MGMT: variants seen among roughly 807,000 people sequenced by gnomAD.
MGMT encodes methylated-DNA--protein-cysteine methyltransferase.
MGMT carries 14 observed loss-of-function variants against 15.9 expected under a neutral mutation model. The ratio of observed to expected loss-of-function variants is 0.88; its 90% CI spans 0.58 to 1.37. MGMT has a LOEUF of 1.37. Among genes scored for constraint, MGMT ranks in the 40% most tolerant of loss-of-function variants. The pLI, the probability that MGMT is intolerant of heterozygous loss-of-function variation, is 0.00. For synonymous variants in MGMT, 130 were observed against 118.2 expected (o/e 1.10, Z -0.65); for missense variants, 282 against 268.1 (o/e 1.05, Z -0.36).
At chr10:129,497,619 G>A (rs949583306) in intron 1 of MGMT, among the ~76,000 whole-genome samples, 1 of 152,204 alleles carries the variant, frequency 6.6e-6, no homozygotes, top group African/African-American at 2.4e-5. Flanking sequence ...GTGCACTACT[G>A]TAAACCTTGC....
At chr10:129,612,654 C>T (rs1846975331) in intron 2 of MGMT, among the ~76,000 whole-genome samples, 1 of 152,188 alleles carries the variant, frequency 6.6e-6, no homozygotes, top group Admixed American at 6.5e-5. Context: ...CTGTGCTCCT[C>T]CTAAAGCCTA....
intron 3 of MGMT, among the ~76,000 whole-genome samples, chr10:129,728,288 G>T (rs1310778682): frequency 2.0e-5 from 3 of 152,204 alleles, no homozygotes; most frequent in Non-Finnish European, 4.4e-5. Context: ...TAGGGATTAG[G>T]GTCAGTGGCA....
chr10:129,536,351 C>T lies in MGMT; in HGVS notation c.99C>T (p.Leu33=), dbSNP rs1353622149. Residue 33 remains leucine (L), a synonymous_variant, in exon 2 of 5, where the codon CTC becomes CTT. Transcript: ENST00000651593. ...AGCAGGGTCTGCACGAAATAAAGCT[C>T]CTGGGCAAGGGGACGTCTGCAGCTG... The part of the protein sequence containing the change: ...GCEQGLHEIK[L]LGKGTSAADA... 2.5e-6 allele frequency: 4 copies of T among 1,613,780 alleles called. No individual in the cohort carries two copies. The highest frequency in any genetic ancestry group is 2.2e-5 in the East Asian group (1 of 44,890).
intron 2 of MGMT, among the ~76,000 whole-genome samples, chr10:129,588,301 G>A (rs192934971): frequency 3.9e-5 from 6 of 152,314 alleles, no homozygotes; most frequent in Admixed American, 2.0e-4. Flanking sequence ...GAGTCCACCC[G>A]TGCCTGGACT....
intron 2 of MGMT, among the ~76,000 whole-genome samples, chr10:129,641,909 C>T (rs757419119): frequency 9.2e-5 from 14 of 152,118 alleles, no homozygotes; most frequent in Non-Finnish European, 1.6e-4. Flanking sequence ...ATAATGTATG[C>T]GGCATAGCTA....
At chr10:129,655,393 A>AC (rs1453239021) in intron 2 of MGMT, among the ~76,000 whole-genome samples, 3 of 152,208 alleles carry the variant, frequency 2.0e-5, no homozygotes, top group Non-Finnish European at 4.4e-5. Context: ...TTCACACATT[A>AC]CCATTTTTAA....
rs77704264 is a variant in MGMT at position 129,654,869 on chromosome 10, C to T, written c.126-53026C>T. Among the ~76,000 whole-genome samples the T allele has an allele frequency of 5.7e-4, 87 of 152,304 alleles. No individual in the cohort carries two copies. The East Asian group carries it at 0.016, about 28-fold the overall frequency. On this transcript the variant is annotated intron_variant, in intron 2 of 4. Transcript: ENST00000651593. ...TGACGGCACAAGCCACAGTGGGTCA[C>T]TTGTTTCTACAAATGCCTGAGAAGA...
chr10:129,481,753 C>A (rs1325389490), intron 1 of MGMT, among the ~76,000 whole-genome samples: 1 of 152,034 alleles, frequency 6.6e-6, no homozygotes, highest in Non-Finnish European at 1.5e-5. Flanking sequence ...CTTTATTATC[C>A]TTTTAATGTC....
At chr10:129,657,042 C>G (rs1363729354) in intron 2 of MGMT, among the ~76,000 whole-genome samples, 1 of 152,112 alleles carries the variant, frequency 6.6e-6, no homozygotes, top group African/African-American at 2.4e-5. Flanking sequence ...TAGGTGAGCT[C>G]TATGAATTAG....
At chr10:129,717,585 GA>G (rs1484923956) in intron 3 of MGMT, 1 of 152,188 alleles carries the variant, frequency 6.6e-6, no homozygotes, top group Non-Finnish European at 1.5e-5. Flanking sequence ...GCCATTAGCA[GA>G]ATTTTTTTTT....
chr10:129,669,664 T>C (rs948022743), intron 2 of MGMT, among the ~76,000 whole-genome samples: 1 of 152,216 alleles, frequency 6.6e-6, no homozygotes, highest in Admixed American at 6.5e-5. Flanking sequence ...GATTTCTTTT[T>C]GTACTTGCCT....
intron 2 of MGMT, among the ~76,000 whole-genome samples, chr10:129,552,961 A>G (rs1030637973): frequency 2.0e-5 from 3 of 152,016 alleles, no homozygotes; most frequent in Non-Finnish European, 4.4e-5. Context: ...GCTTTTTTCT[A>G]TTTATTAAAA....
At chr10:129,539,785 C>G (rs949366007) in intron 2 of MGMT, among the ~76,000 whole-genome samples, 1 of 152,176 alleles carries the variant, frequency 6.6e-6, no homozygotes, top group African/African-American at 2.4e-5. Context: ...GGATTACAGG[C>G]GTGAGCCACC....
chr10:129,583,954 A>G (rs1351876919), intron 2 of MGMT, among the ~76,000 whole-genome samples: 6 of 152,180 alleles, frequency 3.9e-5, no homozygotes, highest in Admixed American at 3.9e-4. Context: ...GTGGAGCACC[A>G]GGTCATCAGA....
At chr10:129,699,919 G>A (rs1169791267) in intron 2 of MGMT, among the ~76,000 whole-genome samples, 1 of 151,990 alleles carries the variant, frequency 6.6e-6, no homozygotes, top group Non-Finnish European at 1.5e-5. Flanking sequence ...ACTCACCTGT[G>A]ATAAGTGGGA....
chr10:129,713,187 C>T (rs969089202), intron 3 of MGMT, among the ~76,000 whole-genome samples: 7 of 152,166 alleles, frequency 4.6e-5, no homozygotes, highest in Non-Finnish European at 7.3e-5. Flanking sequence ...TGGGTGGCCA[C>T]CGCTGTTCCC....
chr10:129,562,937 A>G (rs1846297145), intron 2 of MGMT, among the ~76,000 whole-genome samples: 1 of 152,232 alleles, frequency 6.6e-6, no homozygotes, highest in Non-Finnish European at 1.5e-5. Flanking sequence ...GTGCAGAAGC[A>G]GCCTACGTGC....
At chr10:129,524,945 G>T (rs1480774629) in intron 1 of MGMT, among the ~76,000 whole-genome samples, 1 of 152,082 alleles carries the variant, frequency 6.6e-6, no homozygotes, top group African/African-American at 2.4e-5. Context: ...CAAACCAATT[G>T]TCAGTTAGAG....
intron 2 of MGMT, among the ~76,000 whole-genome samples, chr10:129,615,588 C>G (rs1216745265): frequency 6.6e-6 from 1 of 152,198 alleles, no homozygotes; most frequent in East Asian, 1.9e-4. Flanking sequence ...TCACCCTCTG[C>G]CCCAGTGCAG....
Sources: allele counts gnomAD v4.1 joint callset (sites outside exome capture counted in the v4.1 genomes callset), GRCh38; gene constraint gnomAD v4.1.1; transcripts MANE v1.5; gene names NCBI Gene and HGNC (gene_info 2026-07-23, HGNC 2026-07-21).